The following KLHL8 variants were observed in gnomAD, a reference collection of about 807,000 sequenced individuals.
The protein encoded by KLHL8 is kelch-like protein 8.
In KLHL8, 38 loss-of-function variants were observed where a neutral mutation model predicts 63.5. The ratio of observed to expected loss-of-function variants is 0.60; its 90% CI spans 0.46 to 0.78. KLHL8 has a LOEUF of 0.78. Ranked by LOEUF, KLHL8 falls within the 30% of genes least tolerant of loss-of-function variation. The pLI, the probability that KLHL8 is intolerant of heterozygous loss-of-function variation, is 0.00. For missense variants in KLHL8, 566 were observed against 752.4 expected (o/e 0.75, Z 2.90); for synonymous variants, 224 against 254.3 (o/e 0.88, Z 1.13).
At chr4:87,171,224 G>C (rs10049549) in intron 6 of KLHL8, among the ~76,000 whole-genome samples, 12,069 of 152,012 alleles carry the variant, frequency 0.079, 645 homozygotes, top group Non-Finnish European at 0.12. Flanking sequence ...CCAATCAAAA[G>C]TTGAACTATT....
intron 6 of KLHL8, among the ~76,000 whole-genome samples, chr4:87,175,772 T>C (rs1053564429): frequency 2.6e-5 from 4 of 152,176 alleles, no homozygotes; most frequent in African/African-American, 9.6e-5. Flanking sequence ...AGAACATAAA[T>C]ATGTAAATGA....
chr4:87,163,563 G>C lies in KLHL8; in HGVS notation c.1819C>G (p.Arg607Gly). 6.2e-7 allele frequency: 1 copy of C among 1,614,026 alleles called. No homozygotes were observed. The highest frequency in any genetic ancestry group is 8.5e-7 in the Non-Finnish European group (1 of 1,179,986). ...TTATTGGATCCATGACCTACATCTC[G>C]AATTTGGCTAGTTAAACAGGAACAC... ...AVCSCLTSQI[R>G]DVGHGSNNVV... The change falls in exon 10 of 10, where the codon CGA becomes GGA. Residue 607 changes from arginine (R) to glycine (G), a missense_variant. Coordinates refer to ENST00000273963, the MANE Select transcript of KLHL8 (RefSeq NM_020803.5).
intron 6 of KLHL8, among the ~76,000 whole-genome samples, chr4:87,172,911 A>G (rs1730687587): frequency 6.6e-6 from 1 of 152,224 alleles, no homozygotes; most frequent in Admixed American, 6.5e-5. Flanking sequence ...AAATAAAAAT[A>G]TAAAATGTAT....
chr4:87,222,923 T>G (rs142540441), upstream of KLHL8, among the ~76,000 whole-genome samples: 29 of 152,206 alleles, frequency 1.9e-4, no homozygotes, highest in African/African-American at 6.0e-4. Flanking sequence ...ATAGAAATTT[T>G]GTTTTTTATA....
chr4:87,215,929 A>G (rs887176577), intron 1 of KLHL8, among the ~76,000 whole-genome samples: 1 of 152,238 alleles, frequency 6.6e-6, no homozygotes, highest in South Asian at 2.1e-4. Context: ...ATGATATACA[A>G]GAAATATCAT....
intron 5 of KLHL8, among the ~76,000 whole-genome samples, chr4:87,178,091 T>C (rs1432673953): frequency 6.6e-6 from 1 of 152,116 alleles, no homozygotes; most frequent in Admixed American, 6.5e-5. Flanking sequence ...AATTTATCCA[T>C]GGTTCTAAAA....
At chr4:87,237,142 G>A (rs1012415420) in intron 1 of KLHL8, among the ~76,000 whole-genome samples, 2 of 152,174 alleles carry the variant, frequency 1.3e-5, no homozygotes, top group African/African-American at 4.8e-5. Flanking sequence ...CCCAGTCACT[G>A]TGTCAGGCCT....
chr4:87,172,834 C>G (rs1730684467), intron 6 of KLHL8, among the ~76,000 whole-genome samples: 1 of 152,128 alleles, frequency 6.6e-6, no homozygotes, highest in Admixed American at 6.5e-5. Context: ...CCTCAAATCC[C>G]TTCTCCATTT....
intron 2 of KLHL8, 148 bp from the exon 3 acceptor site, chr4:87,185,947 G>A: frequency 1.5e-6 from 1 of 657,688 alleles, no homozygotes; most frequent in East Asian, 2.8e-5. Context: ...TTACTTTCAA[G>A]TAGGCCAGTT....
intron 3 of KLHL8, 71 bp from the exon 4 acceptor site, chr4:87,183,460 T>C: frequency 8.1e-7 from 1 of 1,228,362 alleles, no homozygotes; most frequent in Middle Eastern, 2.0e-4. Context: ...CTAAAAATTG[T>C]ATCAAATAAA....
rs75896325 is a variant in KLHL8, at chr4:87,203,537, A to T, written c.-151-7847T>A. ...GAGCAAGACTCTGTCTCACAAAAGA[A>T]AAAAAAAAAAAAACAAGGTGAACAC... On this transcript the variant is annotated intron_variant, in intron 1 of 9. Transcript: ENST00000273963. Among the ~76,000 whole-genome samples the T allele has an allele frequency of 1.1e-4, 15 of 136,588 alleles. No homozygotes were observed. In the East Asian group the frequency reaches 2.5e-3, roughly 23 times the overall value. 89.6% of individuals were successfully genotyped at this position (136,588 alleles called of 152,430 possible).
chr4:87,165,762 A>G (rs1730373039), intron 8 of KLHL8, among the ~76,000 whole-genome samples: 1 of 152,080 alleles, frequency 6.6e-6, no homozygotes, highest in African/African-American at 2.4e-5. Context: ...TCCCCAGATA[A>G]TGCATAAAAA....
chr4:87,231,402 A>C (rs1018490497), intron 1 of KLHL8, among the ~76,000 whole-genome samples: 5 of 152,136 alleles, frequency 3.3e-5, no homozygotes, highest in African/African-American at 9.7e-5. Context: ...ACCCAACCTA[A>C]GACAGGCAGG....
chr4:87,239,588 C>T (rs1004360923), intron 1 of KLHL8, among the ~76,000 whole-genome samples: 5 of 152,090 alleles, frequency 3.3e-5, no homozygotes, highest in Non-Finnish European at 7.4e-5. Context: ...CAAGCTTTAC[C>T]TCTGGGTACC....
chr4:87,211,698 G>A (rs1732413719), intron 1 of KLHL8, among the ~76,000 whole-genome samples: 1 of 152,080 alleles, frequency 6.6e-6, no homozygotes, highest in Non-Finnish European at 1.5e-5. Flanking sequence ...CCTGGGAGAT[G>A]GAGGTTGCAA....
At position 87,211,332 on chromosome 4, in the gene KLHL8, C is replaced by G. The variant is rs569714451; in HGVS notation, c.-152+9086G>C. Among the ~76,000 whole-genome samples the G allele has an allele frequency of 9.2e-5, 14 of 152,212 alleles. No individual in the cohort carries two copies. The South Asian group carries it at 2.9e-3, about 32-fold the overall frequency. On this transcript the variant is annotated intron_variant, in intron 1 of 9. Transcript: ENST00000273963. Reference sequence around the variant, plus strand: ...TAAGTCAGGAAAAAAGTAGGCTATACTCATTATTTCCTTTTTATTTACATT... The same window carrying G: ...TAAGTCAGGAAAAAAGTAGGCTATAGTCATTATTTCCTTTTTATTTACATT...
chr4:87,210,745 C>CT (rs1302969933), intron 1 of KLHL8, among the ~76,000 whole-genome samples: 15 of 152,288 alleles, frequency 9.8e-5, no homozygotes, highest in Admixed American at 9.8e-4. Flanking sequence ...TCACACCTCT[C>CT]TGCCTCCTTT....
chr4:87,192,231 C>G (rs765376672), intron 2 of KLHL8, among the ~76,000 whole-genome samples: 4 of 152,194 alleles, frequency 2.6e-5, no homozygotes, highest in Non-Finnish European at 5.9e-5. Flanking sequence ...TTCCCACCAA[C>G]AGTGTATAAG....
At chr4:87,233,469 A>T (rs1733172491) in intron 1 of KLHL8, among the ~76,000 whole-genome samples, 1 of 152,082 alleles carries the variant, frequency 6.6e-6, no homozygotes, top group East Asian at 1.9e-4. Context: ...GCTACTCGGG[A>T]GGCTGAGACA....
Sources: gnomAD v4.1 joint callset for allele counts (sites outside exome capture counted in the v4.1 genomes callset) on GRCh38, gnomAD v4.1.1 for gene constraint, MANE v1.5 for transcripts, NCBI Gene and HGNC (gene_info 2026-07-23, HGNC 2026-07-21) for gene names.